The following CACNB3 variants were observed in gnomAD, a reference collection of about 807,000 sequenced individuals.
The protein encoded by CACNB3 is calcium voltage-gated channel auxiliary subunit beta 3.
A neutral mutation model predicts 63.7 loss-of-function variants in CACNB3; 36 were observed. That is an observed-to-expected ratio of 0.57 (90% CI 0.43 to 0.75). The LOEUF is 0.75. Among genes scored for constraint, CACNB3 ranks in the 30% least tolerant of loss-of-function variants. CACNB3 has a pLI of 0.00. For missense variants in CACNB3, 493 were observed against 648.6 expected (o/e 0.76, Z 2.61); for synonymous variants, 241 against 250.6 (o/e 0.96, Z 0.36).
In CACNB3 at chr12:48,826,762, C is replaced by T. The variant is rs1005489004; in HGVS notation, c.898C>T (p.Leu300Phe). 5 of 1,613,576 alleles carry T rather than the reference C, an allele frequency of 3.1e-6. No individual in the cohort carries two copies. Among genetic ancestry groups the T allele is most frequent in the African/African-American group, 1.3e-5 (1 of 75,038 alleles). Residue 300 changes from leucine to phenylalanine, a missense_variant, in exon 11 of 13, where the codon CTC (leucine) becomes TTC (phenylalanine). Leu to Phe is a conservative substitution (Grantham distance 22). Transcript: ENST00000301050. The surrounding 1 kb of genome is among the most constrained non-coding windows in gnomAD (Gnocchi z 4.8). ...VFVKVSSPKV[L>F]QRLIRSRGKS... is the part of the protein sequence containing the mutation. Reference sequence around the variant, plus strand: ...TAGCTCTGCCCTCCCCGCTCAGGTACTCCAGCGTCTCATTCGCTCCCGGGG... The same window carrying T: ...TAGCTCTGCCCTCCCCGCTCAGGTATTCCAGCGTCTCATTCGCTCCCGGGG...
At chr12:48,817,367 A>G (rs1024497296), upstream of CACNB3, 2 of 152,176 alleles carry the variant, frequency 1.3e-5, no homozygotes, top group Non-Finnish European at 2.9e-5. Flanking sequence ...GATTCTCCTC[A>G]AGCCAAGGAG....
rs1308914823 is a variant in CACNB3 at position 48,825,749 on chromosome 12, C to T, written c.722C>T (p.Ser241Phe). 6.2e-7 allele frequency: 1 copy of T among 1,613,822 alleles called. No homozygotes were observed. Among genetic ancestry groups the T allele is most frequent in the Non-Finnish European group, 8.5e-7 (1 of 1,179,776 alleles). Residue 241 changes from serine to phenylalanine, a missense_variant, in exon 9 of 13, where the codon TCC becomes TTC. By Grantham distance (155) the Ser-to-Phe change is radical. Transcript: ENST00000301050. The surrounding 1 kb of genome is among the most constrained non-coding windows in gnomAD (Gnocchi z 4.5). ...NPGKRTIIER[S>F]SARSSIAEVQ... is the part of the protein sequence containing the mutation. ...GGCAAGAGGACCATCATTGAGCGCT[C>T]CTCTGCCCGCTCCAGCATTGGTGAG...
At position 48,823,574 on chromosome 12, in the gene CACNB3, G is replaced by A; in HGVS notation, c.169-107G>A. 1 of 1,599,738 alleles carries A rather than the reference G, an allele frequency of 6.3e-7. No homozygotes were observed. The highest frequency in any genetic ancestry group is 8.5e-7 in the Non-Finnish European group (1 of 1,172,078). On this transcript the variant is annotated intron_variant, in intron 2 of 12. Coordinates refer to ENST00000301050, the MANE Select transcript of CACNB3 (RefSeq NM_000725.4). This position sits in a 1 kb window ranked among gnomAD's most constrained non-coding sequence, Gnocchi z 4.2. ...GGGCAGGATGTCCTTGAGTGTGAGAGGGTGTGTGTGATGGGCAGAGGCCAC... is the reference window on the plus strand; with the variant it reads ...GGGCAGGATGTCCTTGAGTGTGAGAAGGTGTGTGTGATGGGCAGAGGCCAC...
chr12:48,824,675 T>C lies in CACNB3; in HGVS notation c.414T>C (p.Ser138=), dbSNP rs1267597073. 6.2e-7 allele frequency: 1 copy of C among 1,613,698 alleles called. No individual in the cohort carries two copies. The change falls in exon 5 of 13, where the codon TCT becomes TCC. Residue 138 remains serine (S), a synonymous_variant. Coordinates refer to ENST00000301050, the MANE Select transcript of CACNB3 (RefSeq NM_000725.4). The part of the protein sequence containing the change: ...RLKQEQKARR[S]GNPSSLSDIG... ...CACCTCCCTTTCTTCTCAGGAGATC[T>C]GGGAACCCTTCCAGCCTGAGTGACA...
chr12:48,827,665 C>T lies in CACNB3; in HGVS notation c.1221C>T (p.Ser407=), dbSNP rs1173144739. The T allele has an allele frequency of 6.8e-6, 11 of 1,613,668 alleles. No homozygotes were observed. The highest frequency in any genetic ancestry group is 1.6e-4 in the Middle Eastern group (1 of 6,084). The change falls in exon 13 of 13, where the codon AGC becomes AGT. Residue 407 remains serine (S), a synonymous_variant. Coordinates refer to ENST00000301050, the MANE Select transcript of CACNB3 (RefSeq NM_000725.4). ...RDSLMPSDEA[S]ESSRQAWTGS... is the part of the protein sequence containing the mutation. ...GCTTGATGCCCTCTGATGAGGCCAG[C>T]GAGAGCTCCCGCCAAGCCTGGACAG...
chr12:48,824,391 A>C lies in CACNB3; in HGVS notation c.407+18A>C. The C allele has an allele frequency of 6.3e-7, 1 of 1,578,458 alleles. No individual in the cohort carries two copies. The highest frequency in any genetic ancestry group is 2.3e-5 in the East Asian group (1 of 43,846). On this transcript the variant is annotated intron_variant, in intron 4 of 12. Transcript: ENST00000301050. The stretch of plus-strand genomic sequence containing the variant: ...AAGGCCAGGTGAGAGTTGGGCCATG[A>C]GTCAGTAAACACACCCCAAACACTT...
chr12:48,827,948 G>A lies in CACNB3; in HGVS notation c.*49G>A, dbSNP rs751973214. On this transcript the variant is annotated 3_prime_UTR_variant, in exon 13 of 13. Transcript: ENST00000301050. ...GCAGGCACAGGCGCAGCTGGCTGGG[G>A]GGCCCACTCCAGGCAGGGTGGCGTT... 8 of 1,521,080 alleles carry A rather than the reference G, an allele frequency of 5.3e-6. No individual in the cohort carries two copies. The highest frequency in any genetic ancestry group is 7.2e-6 in the Non-Finnish European group (8 of 1,109,138). The allele number at this position is 1,521,080 out of a possible 1,614,324, so 94.2% of individuals were successfully genotyped here. A position where few individuals can be genotyped will look rare whatever the true frequency, so the allele number is the denominator to read the frequency against.
chr12:48,820,630 C>T (rs1023632232), intron 1 of CACNB3: 1 of 152,390 alleles, frequency 6.6e-6, no homozygotes, highest in Non-Finnish European at 1.5e-5. Flanking sequence ...TGTGCCAACT[C>T]CTGGCAGCTC....
In CACNB3 at chr12:48,825,067, A is replaced by G; in HGVS notation, c.493-96A>G. ...TGTTGGAGGGCAGAACAGAGAGGGGAGGGAGCCCAGAACCTCTGGATCTGC... is the reference window on the plus strand; with the variant it reads ...TGTTGGAGGGCAGAACAGAGAGGGGGGGGAGCCCAGAACCTCTGGATCTGC... On this transcript the variant is annotated intron_variant, in intron 6 of 12. Transcript: ENST00000301050. This position sits in a 1 kb window ranked among gnomAD's most constrained non-coding sequence, Gnocchi z 4.5. The G allele has an allele frequency of 6.3e-7, 1 of 1,577,106 alleles. No individual in the cohort carries two copies. The highest frequency in any genetic ancestry group is 8.7e-7 in the Non-Finnish European group (1 of 1,146,944).
chr12:48,824,808 G>C, intron 5 of CACNB3, 75 bp downstream of exon 5: 2 of 1,545,742 alleles, frequency 1.3e-6, no homozygotes, highest in Non-Finnish European at 1.8e-6. Flanking sequence ...TCCTGCCCAA[G>C]TGAACTGTGT....
In CACNB3 at chr12:48,824,281, C is replaced by A. The variant is rs139021098; in HGVS notation, c.315C>A (p.Ile105=). 4.3e-6 allele frequency: 7 copies of A among 1,613,028 alleles called. No homozygotes were observed. The Middle Eastern group carries it at 5.0e-4, about 114-fold the overall frequency. Residue 105 remains isoleucine, a synonymous_variant, in exon 4 of 13, where the codon ATC becomes ATA. Transcript: ENST00000301050. ...AGAAGTACAGCAATGACTGGTGGATCGGGCGGCTAGTGAAAGAGGGCGGGG... is the reference window on the plus strand; with the variant it reads ...AGAAGTACAGCAATGACTGGTGGATAGGGCGGCTAGTGAAAGAGGGCGGGG... The part of the protein sequence containing the change: ...IKEKYSNDWW[I]GRLVKEGGDI...
At position 48,826,649 on chromosome 12, in the gene CACNB3, C is replaced by A; in HGVS notation, c.895-110C>A. ...TGCCCTTAACACAACTCTGAGTCAT[C>A]CTCACCTGCTACTGATGCCACAAGT... On this transcript the variant is annotated intron_variant, in intron 10 of 12. Transcript: ENST00000301050. The surrounding 1 kb of genome is among the most constrained non-coding windows in gnomAD (Gnocchi z 4.8). The A allele has an allele frequency of 7.1e-7, 1 of 1,414,628 alleles. No individual in the cohort carries two copies. The highest frequency in any genetic ancestry group is 1.8e-4 in the Middle Eastern group (1 of 5,540). The allele number at this position is 1,414,628 out of a possible 1,614,324, so 87.6% of individuals were successfully genotyped here. A position where few individuals can be genotyped will look rare whatever the true frequency, so the allele number is the denominator to read the frequency against.
chr12:48,817,274 TG>T (rs1040882328), upstream of CACNB3: 1 of 152,274 alleles, frequency 6.6e-6, no homozygotes, highest in African/African-American at 2.4e-5. Context: ...GGAAGCCACT[TG>T]GTTTGGGTGG....
chr12:48,826,689 G>C lies in CACNB3; in HGVS notation c.895-70G>C, dbSNP rs1011423035. On this transcript the variant is annotated intron_variant, in intron 10 of 12. Transcript: ENST00000301050. This position sits in a 1 kb window ranked among gnomAD's most constrained non-coding sequence, Gnocchi z 4.8. The stretch of plus-strand genomic sequence containing the variant: ...ATGCCACAAGTGGAAGAAATGCCTA[G>C]CTCTGCCCGGGCTCAGCTCTGCCCA... 11 of 1,464,302 alleles carry C rather than the reference G, an allele frequency of 7.5e-6. No homozygotes were observed. In the African/African-American group the frequency reaches 1.5e-4, roughly 20 times the overall value. 90.7% of individuals were successfully genotyped at this position (1,464,302 alleles called of 1,614,324 possible). A position where few individuals can be genotyped will look rare whatever the true frequency, so the allele number is the denominator to read the frequency against.
At position 48,827,871 on chromosome 12, in the gene CACNB3, A is replaced by C. The variant is rs1452338749; in HGVS notation, c.1427A>C (p.Asn476Thr). 1 of 1,613,984 alleles carries C rather than the reference A, an allele frequency of 6.2e-7. No homozygotes were observed. Among genetic ancestry groups the C allele is most frequent in the Admixed American group, 1.7e-5 (1 of 60,026 alleles). The stretch of plus-strand genomic sequence containing the variant: ...CACAGTGACCGGAACTGGCAGCGCA[A>C]CCGGCCTTGGCCCAAGGATAGCTAC... ...HNHSDRNWQR[N>T]RPWPKDSY Residue 476 changes from asparagine to threonine, a missense_variant, in exon 13 of 13, where the codon AAC becomes ACC. Physicochemically the swap from Asn to Thr is moderately conservative, Grantham distance 65. Coordinates refer to ENST00000301050, the MANE Select transcript of CACNB3 (RefSeq NM_000725.4).
chr12:48,816,073 C>T (rs1942281526), upstream of CACNB3, among the ~76,000 whole-genome samples: 1 of 152,194 alleles, frequency 6.6e-6, no homozygotes, highest in Admixed American at 6.5e-5. Context: ...TAGGGGCCTC[C>T]ACCTGGTCCA....
Position 48,818,580 on chromosome 12 carries a change from T to A in CACNB3, c.-350T>A. The A allele has an allele frequency of 9.3e-7, 1 of 1,076,976 alleles. No individual in the cohort carries two copies. Among genetic ancestry groups the A allele is most frequent in the Non-Finnish European group, 1.1e-6 (1 of 889,466 alleles). The allele number at this position is 1,076,976 out of a possible 1,614,324, so 66.7% of individuals were successfully genotyped here. On this transcript the variant is annotated 5_prime_UTR_variant, in exon 1 of 13. Coordinates refer to ENST00000301050, the MANE Select transcript of CACNB3 (RefSeq NM_000725.4). The surrounding 1 kb of genome is among the most constrained non-coding windows in gnomAD (Gnocchi z 4.3). ...ACGGGTTCGTTCCCCTCTCCCGGCC[T>A]GGCCCGGGCTCCCCGGTGGCCGCCG...
chr12:48,816,988 G>A (rs147233134), upstream of CACNB3: 730 of 985,566 alleles, frequency 7.4e-4, 6 homozygotes, highest in African/African-American at 0.012. Flanking sequence ...GGAATACTGC[G>A]TAACTGGGTG....
chr12:48,828,697 T>G lies in CACNB3; in HGVS notation c.*798T>G, dbSNP rs1187823254. The G allele has an allele frequency of 8.8e-6, 4 of 456,418 alleles. No individual in the cohort carries two copies. Among genetic ancestry groups the G allele is most frequent in the Non-Finnish European group, 1.8e-5 (4 of 226,806 alleles). 28.3% of individuals were successfully genotyped at this position (456,418 alleles called of 1,614,324 possible). A position where few individuals can be genotyped will look rare whatever the true frequency, so the allele number is the denominator to read the frequency against. Reference sequence around the variant, plus strand: ...GGCCTCCTTGCCTTTCTCATTCTTTTGCCCTGCATCCTGTCATTTCTGTTC... The same window carrying G: ...GGCCTCCTTGCCTTTCTCATTCTTTGGCCCTGCATCCTGTCATTTCTGTTC... On this transcript the variant is annotated 3_prime_UTR_variant, in exon 13 of 13. Transcript: ENST00000301050.
Sources: gnomAD v4.1 joint callset for allele counts (sites outside exome capture counted in the v4.1 genomes callset) on GRCh38, gnomAD v4.1.1 for gene constraint, Gnocchi (gnomAD v3.1) non-coding constraint, MANE v1.5 for transcripts, NCBI Gene and HGNC (gene_info 2026-07-23, HGNC 2026-07-21) for gene names.